The following CACNA2D3 variants were observed in gnomAD, a reference collection of about 807,000 sequenced individuals.
CACNA2D3 encodes the protein voltage-dependent calcium channel subunit alpha-2/delta-3.
Under a neutral mutation model 160.6 loss-of-function variants are expected in CACNA2D3, and 60 were observed. The observed-to-expected ratio is 0.37, with a 90% CI of 0.30 to 0.46. The LOEUF (loss-of-function observed/expected upper bound fraction) is 0.46. CACNA2D3 is among the 20% of genes least tolerant of loss of function. The pLI is 1.00. For synonymous variants in CACNA2D3, 558 were observed against 492.9 expected (o/e 1.13, Z -1.75); for missense variants, 1,205 against 1,365.0 (o/e 0.88, Z 1.85).
At chr3:54,450,532 A>G (rs969911841) in intron 4 of CACNA2D3, among the ~76,000 whole-genome samples, 2 of 152,032 alleles carry the variant, frequency 1.3e-5, no homozygotes, top group African/African-American at 4.8e-5. Flanking sequence ...TCCCTCATGA[A>G]TAGATTAATG....
intron 2 of CACNA2D3, among the ~76,000 whole-genome samples, chr3:54,159,015 G>T (rs898247572): frequency 1.3e-5 from 2 of 152,184 alleles, no homozygotes; most frequent in Non-Finnish European, 1.5e-5. Context: ...TGTTCACACT[G>T]CCCAGCAATT....
intron 5 of CACNA2D3, among the ~76,000 whole-genome samples, chr3:54,549,949 G>C (rs921623380): frequency 2.6e-5 from 4 of 152,194 alleles, no homozygotes; most frequent in Admixed American, 6.5e-5. Context: ...AAAATGAGAA[G>C]AGACTTCCCT....
At chr3:54,354,755 G>C (rs552162511) in intron 3 of CACNA2D3, among the ~76,000 whole-genome samples, 1 of 152,198 alleles carries the variant, frequency 6.6e-6, no homozygotes, top group Non-Finnish European at 1.5e-5. Flanking sequence ...TGGGCTACTT[G>C]GTTCTCATGT....
chr3:54,290,076 A>G (rs575345576), intron 2 of CACNA2D3, among the ~76,000 whole-genome samples: 82 of 151,870 alleles, frequency 5.4e-4, no homozygotes, highest in Middle Eastern at 3.4e-3. Flanking sequence ...ATTAAACTAA[A>G]GAGCTTCTGC....
intron 9 of CACNA2D3, among the ~76,000 whole-genome samples, chr3:54,583,072 A>G (rs970310366): frequency 6.6e-6 from 1 of 152,208 alleles, no homozygotes; most frequent in African/African-American, 2.4e-5. Context: ...ACTTAAGTCT[A>G]TAGCCGCATT....
At chr3:54,962,707 G>A (rs371359111) in intron 27 of CACNA2D3, among the ~76,000 whole-genome samples, 1 of 152,178 alleles carries the variant, frequency 6.6e-6, no homozygotes, top group South Asian at 2.1e-4. Context: ...GGAATTCACT[G>A]ATGGTGGCAG....
intron 2 of CACNA2D3, among the ~76,000 whole-genome samples, chr3:54,225,661 C>A (rs1158051312): frequency 6.6e-6 from 1 of 152,176 alleles, no homozygotes; most frequent in Non-Finnish European, 1.5e-5. Context: ...TTACAGACAA[C>A]AATTATTTGG....
At chr3:54,739,749 A>ATG (rs1451782803) in intron 11 of CACNA2D3, among the ~76,000 whole-genome samples, 4 of 80,726 alleles carry the variant, frequency 5.0e-5, no homozygotes, top group African/African-American at 2.3e-4. Context: ...TTCTCCTCAT[A>ATG]TATGTGTGTG....
At chr3:54,582,304 G>T (rs536447542) in intron 9 of CACNA2D3, among the ~76,000 whole-genome samples, 2 of 152,152 alleles carry the variant, frequency 1.3e-5, no homozygotes, top group African/African-American at 2.4e-5. Flanking sequence ...GCTTTTCAAG[G>T]ATAGGAATGC....
At chr3:54,285,215 C>T (rs543282426) in intron 2 of CACNA2D3, among the ~76,000 whole-genome samples, 4 of 152,250 alleles carry the variant, frequency 2.6e-5, no homozygotes, top group Admixed American at 6.5e-5. Flanking sequence ...CCTGGAAAAT[C>T]GGGTCACTCC....
intron 2 of CACNA2D3, among the ~76,000 whole-genome samples, chr3:54,160,545 G>A (rs906892272): frequency 6.6e-6 from 1 of 152,142 alleles, no homozygotes; most frequent in Non-Finnish European, 1.5e-5. Flanking sequence ...TGAGACCCTG[G>A]CATCAGTCAG....
At chr3:54,924,188 A>G (rs185713648) in intron 27 of CACNA2D3, among the ~76,000 whole-genome samples, 58 of 152,350 alleles carry the variant, frequency 3.8e-4, no homozygotes, top group African/African-American at 1.4e-3. Flanking sequence ...GAAAAGAATT[A>G]CAGTTGTCAA....
chr3:54,279,658 T>C (rs1702825321), intron 2 of CACNA2D3, among the ~76,000 whole-genome samples: 1 of 152,224 alleles, frequency 6.6e-6, no homozygotes, highest in Non-Finnish European at 1.5e-5. Flanking sequence ...AGCAGCCCTG[T>C]TGTACCTACA....
At chr3:55,069,743 A>T (rs1287691475) in intron 35 of CACNA2D3, among the ~76,000 whole-genome samples, 1 of 152,182 alleles carries the variant, frequency 6.6e-6, no homozygotes, top group African/African-American at 2.4e-5. Context: ...TGTTCATGGC[A>T]ATTGGTCTGC....
intron 35 of CACNA2D3, among the ~76,000 whole-genome samples, chr3:55,022,924 T>C (rs1478902827): frequency 2.0e-5 from 3 of 152,098 alleles, no homozygotes; most frequent in Non-Finnish European, 4.4e-5. Flanking sequence ...AAATAACTAT[T>C]ACTATTGCTG....
chr3:54,999,003 C>T (rs9790236), intron 31 of CACNA2D3, among the ~76,000 whole-genome samples: 60,172 of 152,096 alleles, frequency 0.4, 13,317 homozygotes, highest in East Asian at 0.56. Flanking sequence ...GCCTTGGCCT[C>T]CCAAAGTGCT....
intron 4 of CACNA2D3, among the ~76,000 whole-genome samples, chr3:54,407,130 T>C (rs1699591370): frequency 1.3e-5 from 2 of 152,214 alleles, no homozygotes; most frequent in South Asian, 4.1e-4. Flanking sequence ...GGGGTTTTCC[T>C]GAGTTCTTAC....
At chr3:55,066,488 C>T (rs1403212769) in intron 35 of CACNA2D3, among the ~76,000 whole-genome samples, 1 of 152,186 alleles carries the variant, frequency 6.6e-6, no homozygotes, top group Admixed American at 6.5e-5. Flanking sequence ...GATCTTATCC[C>T]TGCGTTCCTC....
intron 13 of CACNA2D3, among the ~76,000 whole-genome samples, chr3:54,796,310 A>G (rs187225002): frequency 1.4e-4 from 21 of 152,246 alleles, no homozygotes; most frequent in Admixed American, 1.1e-3. Flanking sequence ...CTTGAACCCT[A>G]GAGTTCTCAG....
Sources: allele counts gnomAD v4.1 joint callset (sites outside exome capture counted in the v4.1 genomes callset), GRCh38; gene constraint gnomAD v4.1.1; transcripts MANE v1.5; gene names NCBI Gene and HGNC (gene_info 2026-07-23, HGNC 2026-07-21).